ATAD2B: variants seen among roughly 807,000 people sequenced by gnomAD.
The protein encoded by ATAD2B is ATPase family AAA domain containing 2B, also known as ATPase family AAA domain-containing protein 2B.
In ATAD2B, 40 loss-of-function variants were observed where a neutral mutation model predicts 167.6. That is an observed-to-expected ratio of 0.24 (90% CI 0.19 to 0.31). The LOEUF (loss-of-function observed/expected upper bound fraction) is 0.31. Among genes scored for constraint, ATAD2B ranks in the 10% least tolerant of loss-of-function variants. ATAD2B has a pLI of 1.00. For missense variants in ATAD2B, 1,242 were observed against 1,757.2 expected, an observed-to-expected ratio of 0.71 and a Z score of 5.24; for synonymous variants, 579 against 596.5, an observed-to-expected ratio of 0.97 and a Z score of 0.43.
At chr2:23,851,149 A>T (rs1172059467) in intron 13 of ATAD2B, among the ~76,000 whole-genome samples, 4 of 151,992 alleles carry the variant, frequency 2.6e-5, no homozygotes, top group African/African-American at 9.7e-5. Context: ...TTTTATAGAG[A>T]TTTTTTGTTT....
chr2:23,887,207 T>C (rs1297921945), intron 4 of ATAD2B, among the ~76,000 whole-genome samples: 1 of 152,036 alleles, frequency 6.6e-6, no homozygotes, highest in Non-Finnish European at 1.5e-5. Flanking sequence ...GATGTTGCAG[T>C]GAGCCAAGAT....
At chr2:23,882,994 C>T (rs1698172530) in intron 6 of ATAD2B, among the ~76,000 whole-genome samples, 1 of 151,946 alleles carries the variant, frequency 6.6e-6, no homozygotes, top group South Asian at 2.1e-4. Flanking sequence ...CTGCAAAGGG[C>T]TGGACATGGT....
At chr2:23,681,419 G>A in the ATAD2B span, among the ~76,000 whole-genome samples, 28 of 152,222 alleles carry the variant, frequency 1.8e-4, no homozygotes, top group African/African-American at 6.5e-4. The surrounding 1 kb of genome is among the most constrained non-coding windows in gnomAD (Gnocchi z 4.2). Context: ...TGTCACGGCC[G>A]GGGCTGGGGC....
chr2:23,703,352 T>C, the ATAD2B span: 1 of 1,522,626 alleles, frequency 6.6e-7, no homozygotes, highest in Non-Finnish European at 8.8e-7. Flanking sequence ...GACCAACACG[T>C]GGAGCTTCAT....
intron 1 of ATAD2B, among the ~76,000 whole-genome samples, chr2:23,910,124 A>C (rs1702063320): frequency 6.6e-6 from 1 of 151,350 alleles, no homozygotes; most frequent in South Asian, 2.1e-4. Context: ...TTGGCCTCCC[A>C]AAATGCTGGG....
chr2:23,845,512 T>G (rs1448609972), intron 13 of ATAD2B, among the ~76,000 whole-genome samples: 1 of 151,488 alleles, frequency 6.6e-6, no homozygotes, highest in African/African-American at 2.4e-5. Flanking sequence ...ATACAGAGAT[T>G]AGATTAGTGG....
intron 15 of ATAD2B, among the ~76,000 whole-genome samples, chr2:23,826,629 A>G (rs1442719461): frequency 6.6e-6 from 1 of 152,194 alleles, no homozygotes; most frequent in East Asian, 1.9e-4. Flanking sequence ...AGGTCATAAC[A>G]AAATTTTATA....
chr2:23,878,026 A>AAAAAAAAAAAAAAAAAAAAGC (rs1553440562), intron 7 of ATAD2B, among the ~76,000 whole-genome samples: 6 of 129,232 alleles, frequency 4.6e-5, no homozygotes, highest in Non-Finnish European at 8.6e-5. Context: ...AAAAAAAAAA[A>AAAAAAAAAAAAAAAAAAAAGC]AAAAAAAAAA....
In ATAD2B at chr2:23,891,026, T is replaced by G. The variant is rs916812436; in HGVS notation, c.369-2627A>C. On this transcript the variant is annotated intron_variant, in intron 2 of 27. Transcript: ENST00000238789. ...AAAGATTTAATATACTGAGATTTTT[T>G]TTTTTTTTTTTTGAGGTGGAGTCTT... is the stretch of plus-strand genomic sequence containing the variant. Among the ~76,000 whole-genome samples the G allele has an allele frequency of 7.5e-4, 113 of 151,602 alleles. 1 individual carries two copies. Among genetic ancestry groups the G allele is most frequent in the African/African-American group, 2.5e-3 (104 of 41,370 alleles).
rs1027364876 is a variant in ATAD2B at position 23,750,408 on chromosome 2, G to A, written c.*1638C>T. 6.6e-6 allele frequency: 1 copy of A among 152,142 alleles called. No individual in the cohort carries two copies. Among genetic ancestry groups the A allele is most frequent in the Non-Finnish European group, 1.5e-5 (1 of 68,004 alleles). 9.4% of individuals were successfully genotyped at this position (152,142 alleles called of 1,614,324 possible). A position where few individuals can be genotyped will look rare whatever the true frequency, so the allele number is the denominator to read the frequency against. On this transcript the variant is annotated 3_prime_UTR_variant, in exon 28 of 28. Coordinates refer to ENST00000238789, the MANE Select transcript of ATAD2B (RefSeq NM_017552.4). ...ATTACTGCAGTAGGCTATGGCCAAAGTATGCTTTCTGCACACTACAAAGAG... is the reference window on the plus strand; with the variant it reads ...ATTACTGCAGTAGGCTATGGCCAAAATATGCTTTCTGCACACTACAAAGAG...
At chr2:23,921,997 A>G (rs560073496) in intron 1 of ATAD2B, among the ~76,000 whole-genome samples, 2 of 152,146 alleles carry the variant, frequency 1.3e-5, no homozygotes, top group Admixed American at 1.3e-4. Context: ...GAAAAGGAAA[A>G]GCACAAGGTG....
intron 1 of ATAD2B, among the ~76,000 whole-genome samples, chr2:23,924,190 A>C (rs1217882281): frequency 1.3e-5 from 2 of 152,218 alleles, no homozygotes; most frequent in East Asian, 1.9e-4. Flanking sequence ...TCAAAAAAAA[A>C]CAAACAAACA....
At chr2:23,733,794 T>A in the ATAD2B span, among the ~76,000 whole-genome samples, 1 of 152,102 alleles carries the variant, frequency 6.6e-6, no homozygotes, top group Non-Finnish European at 1.5e-5. Flanking sequence ...TTTCTCACCA[T>A]CCCTACTATA....
chr2:23,913,242 G>A (rs1298312731), intron 1 of ATAD2B, among the ~76,000 whole-genome samples: 3 of 152,186 alleles, frequency 2.0e-5, no homozygotes, highest in Non-Finnish European at 4.4e-5. Flanking sequence ...TACAAACTAT[G>A]TTAAGTGAGA....
chr2:23,864,416 T>G lies in ATAD2B; in HGVS notation c.1304+393A>C, dbSNP rs536505072. Among the ~76,000 whole-genome samples the G allele has an allele frequency of 1.2e-4, 18 of 152,272 alleles. No homozygotes were observed. In the South Asian group the frequency reaches 3.7e-3, roughly 32 times the overall value. ...ACAATCTGTTCCTACAAATAAATTA[T>G]CAAGCTCACTCTATTTCAAAAATAC... On this transcript the variant is annotated intron_variant, in intron 11 of 27. Transcript: ENST00000238789.
chr2:23,741,933 G>T, the ATAD2B span, among the ~76,000 whole-genome samples: 1 of 152,150 alleles, frequency 6.6e-6, no homozygotes, highest in African/African-American at 2.4e-5. Context: ...CATTTATGCA[G>T]CCAAAAAACA....
At chr2:23,768,306 G>C (rs1677761022) in intron 22 of ATAD2B, among the ~76,000 whole-genome samples, 1 of 152,118 alleles carries the variant, frequency 6.6e-6, no homozygotes, top group African/African-American at 2.4e-5. Flanking sequence ...GGGAAAGGTA[G>C]TAGGACTGCT....
chr2:23,850,037 G>C (rs1692309122), intron 13 of ATAD2B, among the ~76,000 whole-genome samples: 2 of 151,814 alleles, frequency 1.3e-5, no homozygotes, highest in African/African-American at 2.4e-5. Flanking sequence ...CAGCTACTCA[G>C]GAGGCTGAGG....
chr2:23,698,424 GCA>G, the ATAD2B span, among the ~76,000 whole-genome samples: 1 of 152,194 alleles, frequency 6.6e-6, no homozygotes, highest in Non-Finnish European at 1.5e-5. Context: ...GCTTTCTGTG[GCA>G]CACAGTGGCA....
Sources: gnomAD v4.1 joint callset for allele counts (sites outside exome capture counted in the v4.1 genomes callset) on GRCh38, gnomAD v4.1.1 for gene constraint, Gnocchi (gnomAD v3.1) non-coding constraint, MANE v1.5 for transcripts, NCBI Gene and HGNC (gene_info 2026-07-23, HGNC 2026-07-21) for gene names.